Variants in PHTF2 observed in about 807,000 individuals in gnomAD.
PHTF2 encodes protein PHTF2.
In PHTF2, 60 loss-of-function variants were observed where a neutral mutation model predicts 101.2. The observed-to-expected ratio is 0.59, with a 90% CI of 0.48 to 0.73. The LOEUF is 0.73. Among genes scored for constraint, PHTF2 ranks in the 30% least tolerant of loss-of-function variants. PHTF2 has a pLI of 0.00. For missense variants in PHTF2, 747 were observed against 908.7 expected (o/e 0.82, Z 2.29); for synonymous variants, 311 against 307.3 (o/e 1.01, Z -0.13).
At chr7:77,911,638 A>G (rs1458336955) in intron 9 of PHTF2, among the ~76,000 whole-genome samples, 1 of 151,242 alleles carries the variant, frequency 6.6e-6, no homozygotes, top group Non-Finnish European at 1.5e-5. Flanking sequence ...AAAGTTTATC[A>G]TGCATTACAG....
At chr7:77,828,740 C>T (rs1794867332) in intron 1 of PHTF2, among the ~76,000 whole-genome samples, 1 of 152,072 alleles carries the variant, frequency 6.6e-6, no homozygotes, top group South Asian at 2.1e-4. Flanking sequence ...TGGTGGTGCG[C>T]ACCTGTAATC....
chr7:77,941,920 G>T (rs978811639), intron 15 of PHTF2, among the ~76,000 whole-genome samples: 1 of 152,152 alleles, frequency 6.6e-6, no homozygotes, highest in Non-Finnish European at 1.5e-5. Context: ...TCTTAACAAG[G>T]TTTATAATGC....
At chr7:77,830,059 A>G (rs1562851496) in intron 1 of PHTF2, among the ~76,000 whole-genome samples, 2 of 152,184 alleles carry the variant, frequency 1.3e-5, no homozygotes, top group South Asian at 2.1e-4. Flanking sequence ...GTGTGTAAAC[A>G]TTTGTGTTTA....
intron 3 of PHTF2, among the ~76,000 whole-genome samples, chr7:77,882,438 A>G (rs1004016185): frequency 2.6e-5 from 4 of 152,158 alleles, no homozygotes; most frequent in Admixed American, 2.6e-4. Flanking sequence ...TTTTAATTAT[A>G]TTCCGATAAT....
intron 1 of PHTF2, among the ~76,000 whole-genome samples, chr7:77,806,224 T>C (rs574601363): frequency 6.4e-4 from 97 of 152,294 alleles, no homozygotes; most frequent in Non-Finnish European, 1.1e-3. Flanking sequence ...TATATCCTTG[T>C]TGATTTTGTC....
intron 1 of PHTF2, among the ~76,000 whole-genome samples, chr7:77,806,588 G>T (rs1355949942): frequency 6.6e-6 from 1 of 152,044 alleles, no homozygotes; most frequent in Non-Finnish European, 1.5e-5. Context: ...AATAGGTCTT[G>T]CTTTTGGGTC....
At chr7:77,843,464 A>G (rs2150587686) in intron 2 of PHTF2, among the ~76,000 whole-genome samples, 1 of 152,228 alleles carries the variant, frequency 6.6e-6, no homozygotes, top group African/African-American at 2.4e-5. Flanking sequence ...TTCTTAAGTC[A>G]TGTCTCCCGG....
chr7:77,806,433 A>G (rs1324265637), intron 1 of PHTF2, among the ~76,000 whole-genome samples: 1 of 152,218 alleles, frequency 6.6e-6, no homozygotes, highest in African/African-American at 2.4e-5. Context: ...CTTTAATCCT[A>G]GTAATATGTT....
intron 19 of PHTF2, 69 bp downstream of exon 18, chr7:77,953,963 C>G (rs1183547580): frequency 6.7e-6 from 9 of 1,348,922 alleles, no homozygotes; most frequent in Non-Finnish European, 8.4e-6. Flanking sequence ...ATTTTACCCT[C>G]ACATGCACAG....
intron 13 of PHTF2, among the ~76,000 whole-genome samples, chr7:77,938,237 T>C (rs1584770082): frequency 6.6e-6 from 1 of 152,180 alleles, no homozygotes; most frequent in Non-Finnish European, 1.5e-5. Context: ...TCTTACTGGT[T>C]CATTTGTTTA....
chr7:77,870,247 G>GT (rs35903374), intron 3 of PHTF2, among the ~76,000 whole-genome samples: 1,408 of 132,342 alleles, frequency 0.011, 23 homozygotes, highest in African/African-American at 0.026. Flanking sequence ...AATCCATTTT[G>GT]TTTTTTTTTT....
At chr7:77,868,813 C>G (rs1258040514) in intron 3 of PHTF2, among the ~76,000 whole-genome samples, 1 of 152,146 alleles carries the variant, frequency 6.6e-6, no homozygotes. Context: ...CTCTGAGACT[C>G]AGTTTCCTCA....
intron 3 of PHTF2, among the ~76,000 whole-genome samples, chr7:77,873,367 T>C (rs770753777): frequency 6.6e-6 from 1 of 152,204 alleles, no homozygotes; most frequent in Non-Finnish European, 1.5e-5. Context: ...TTCCCATGCC[T>C]GTTCTGCAGA....
At chr7:77,923,729 C>T (rs1803698680) in intron 11 of PHTF2, 3 of 985,082 alleles carry the variant, frequency 3.0e-6, no homozygotes, top group Non-Finnish European at 3.6e-6. Context: ...ACTGTATGTA[C>T]TGTTAGAAGT....
At chr7:77,833,054 T>A (rs1795190106) in intron 1 of PHTF2, among the ~76,000 whole-genome samples, 1 of 152,226 alleles carries the variant, frequency 6.6e-6, no homozygotes, top group South Asian at 2.1e-4. Context: ...CCAAATATTT[T>A]ACTGTACTGC....
intron 1 of PHTF2, among the ~76,000 whole-genome samples, chr7:77,806,219 C>T (rs1041411664): frequency 6.6e-5 from 10 of 150,422 alleles, no homozygotes; most frequent in Non-Finnish European, 1.5e-4. Context: ...TTCTATATAT[C>T]CTTGTTGATT....
intron 13 of PHTF2, among the ~76,000 whole-genome samples, chr7:77,939,562 C>T (rs1257906430): frequency 6.9e-6 from 1 of 145,832 alleles, no homozygotes; most frequent in Non-Finnish European, 1.5e-5. Context: ...TGTACTCCAG[C>T]CTGGGCAATA....
chr7:77,927,009 T>G (rs1341458879), intron 11 of PHTF2, among the ~76,000 whole-genome samples: 1 of 151,202 alleles, frequency 6.6e-6, no homozygotes, highest in Non-Finnish European at 1.5e-5. Flanking sequence ...AATATAAAAA[T>G]TAGCCCGGTG....
exon 17 of PHTF2, chr7:77,949,678 C>T: frequency 6.5e-7 from 1 of 1,537,644 alleles, no homozygotes; most frequent in South Asian, 1.2e-5. Flanking sequence ...ATACTTTTAG[C>T]TACTTCATGT....
Sources: allele counts gnomAD v4.1 joint callset (sites outside exome capture counted in the v4.1 genomes callset), GRCh38; gene constraint gnomAD v4.1.1; transcripts MANE v1.5; gene names NCBI Gene and HGNC (gene_info 2026-07-23, HGNC 2026-07-21).